Variants in LSG1 observed in about 807,000 individuals in gnomAD.
The protein encoded by LSG1 is large subunit GTPase 1 homolog.
A neutral mutation model predicts 82.6 loss-of-function variants in LSG1; 55 were observed. The ratio of observed to expected loss-of-function variants is 0.67; its 90% CI spans 0.54 to 0.83. The LOEUF (loss-of-function observed/expected upper bound fraction) is 0.83. LSG1 is among the 40% of genes least tolerant of loss of function. The pLI is 0.00. For synonymous variants in LSG1, 272 were observed against 282.5 expected, an observed-to-expected ratio of 0.96 and a Z score of 0.37; for missense variants, 809 against 807.9, an observed-to-expected ratio of 1.00 and a Z score of -0.02.
At chr3:194,666,103 A>T in intron 4 of LSG1, 100 bp downstream of exon 4, 1 of 1,048,962 alleles carries the variant, frequency 9.5e-7, no homozygotes, top group Non-Finnish European at 1.4e-6. Flanking sequence ...TTTCCTTCTT[A>T]AAAGAATCAA....
Position 194,644,577 on chromosome 3 carries a change from T to G in LSG1, c.1793A>C (p.His598Pro). 1 of 1,609,502 alleles carries G rather than the reference T, an allele frequency of 6.2e-7. No individual in the cohort carries two copies. Among genetic ancestry groups the G allele is most frequent in the Non-Finnish European group, 8.5e-7 (1 of 1,178,542 alleles). The change falls in exon 13 of 14, where the codon CAT (histidine) becomes CCT (proline). Residue 598 changes from histidine to proline, a missense_variant. Coordinates refer to ENST00000265245, the MANE Select transcript of LSG1 (RefSeq NM_018385.3). The part of the protein sequence containing the change: ...IENIVDKTFF[H>P]QENVRALTKG... ...AAGAAAAGCTTTAAAACTTACTTGA[T>G]GGAAAAAAGTTTTGTCAACGATATT...
chr3:194,666,450 A>C lies in LSG1; in HGVS notation c.347+2T>G. On this transcript the variant is annotated splice_donor_variant, in intron 3 of 13. Transcript: ENST00000265245. LOFTEE classifies it high-confidence loss of function. ...GGCATTCTAAATTCTTCTTCAGCTC[A>C]CCTCCTCGGTATACACAAGAACTGT... is the stretch of plus-strand genomic sequence containing the variant. 5 of 1,611,862 alleles carry C rather than the reference A, an allele frequency of 3.1e-6. No homozygotes were observed. Among genetic ancestry groups the C allele is most frequent in the Non-Finnish European group, 4.2e-6 (5 of 1,179,428 alleles).
chr3:194,642,322 GGA>G, intron 13 of LSG1, 75 bp from the exon 14 acceptor site: 1 of 1,278,924 alleles, frequency 7.8e-7, no homozygotes, highest in South Asian at 1.6e-5. Flanking sequence ...TACTATTAGT[GGA>G]TCACTTCAAG....
chr3:194,669,941 A>T, intron 2 of LSG1, 68 bp downstream of exon 2: 1 of 1,557,104 alleles, frequency 6.4e-7, no homozygotes, highest in South Asian at 1.2e-5. Flanking sequence ...AAAACAAAAA[A>T]CAAAAAAAAC....
intron 5 of LSG1, among the ~76,000 whole-genome samples, chr3:194,663,864 C>A (rs58467881): frequency 0.16 from 23,960 of 150,776 alleles, 3,299 homozygotes; most frequent in African/African-American, 0.34. Context: ...CGCATCCCAG[C>A]CCAAGAGCCC....
chr3:194,663,188 C>T (rs1003500540), intron 5 of LSG1, among the ~76,000 whole-genome samples: 5 of 152,158 alleles, frequency 3.3e-5, no homozygotes, highest in Non-Finnish European at 7.3e-5. Flanking sequence ...AATTAGAAAA[C>T]GGGCATTCTC....
At chr3:194,644,840 T>TTC (rs1438056900) in intron 12 of LSG1, 94 bp from the exon 13 acceptor site, 5 of 1,002,626 alleles carry the variant, frequency 5.0e-6, no homozygotes, top group African/African-American at 1.6e-5. Context: ...TGATGGAGCT[T>TTC]TCTGCCTTCT....
At position 194,652,908 on chromosome 3, in the gene LSG1, A is replaced by T; in HGVS notation, c.994T>A (p.Cys332Ser). 6.2e-7 allele frequency: 1 copy of T among 1,614,152 alleles called. No homozygotes were observed. Among genetic ancestry groups the T allele is most frequent in the Non-Finnish European group, 8.5e-7 (1 of 1,180,040 alleles). The change falls in exon 8 of 14, where the codon TGC (cysteine) becomes AGC (serine). Residue 332 changes from cysteine to serine, a missense_variant. Physicochemically the swap from Cys to Ser is moderately radical, Grantham distance 112. Transcript: ENST00000265245. ...SEEDGPKEED[C>S]SQDWKESSTA... ...GAGCTTTCCTTCCAGTCCTGGCTGC[A>T]GTCCTCTTCCTTGGGACCGTCTTCT... is the stretch of plus-strand genomic sequence containing the variant.
At chr3:194,666,407 C>G (rs1347015322) in intron 3 of LSG1, 45 bp downstream of exon 3, 13 of 1,607,618 alleles carry the variant, frequency 8.1e-6, no homozygotes, top group Non-Finnish European at 1.0e-5. Flanking sequence ...GAATACTCAG[C>G]AGCCTCGGAT....
chr3:194,649,047 T>C, intron 10 of LSG1: 1 of 373,676 alleles, frequency 2.7e-6, no homozygotes, highest in Non-Finnish European at 4.8e-6. Flanking sequence ...AAAATATATC[T>C]GAAACAGACT....
intron 7 of LSG1, among the ~76,000 whole-genome samples, chr3:194,655,569 G>A (rs1718773984): frequency 6.6e-6 from 1 of 152,166 alleles, no homozygotes; most frequent in Non-Finnish European, 1.5e-5. Context: ...GAATAGTGGT[G>A]TCTGGTAAAG....
At chr3:194,651,927 C>T (rs768193758) in intron 8 of LSG1, among the ~76,000 whole-genome samples, 55 of 152,094 alleles carry the variant, frequency 3.6e-4, no homozygotes, top group Admixed American at 2.4e-3. Context: ...AACTACTGCA[C>T]TAAAATAAGA....
At chr3:194,660,897 A>G (rs751437097) in intron 5 of LSG1, 17 of 454,070 alleles carry the variant, frequency 3.7e-5, no homozygotes, top group Non-Finnish European at 7.1e-5. Context: ...CTGCAAGGAG[A>G]AAAAAAAATT....
intron 11 of LSG1, 92 bp downstream of exon 11, chr3:194,648,589 G>T: frequency 7.5e-7 from 1 of 1,332,618 alleles, no homozygotes; most frequent in Non-Finnish European, 1.0e-6. Context: ...TATCTTTGCA[G>T]AACAGCAATT....
chr3:194,642,676 A>G (rs1718424269), intron 13 of LSG1, among the ~76,000 whole-genome samples: 1 of 152,200 alleles, frequency 6.6e-6, no homozygotes, highest in African/African-American at 2.4e-5. Flanking sequence ...GTTTAGACAT[A>G]TGAATTATAT....
At chr3:194,655,416 TCAC>T (rs1403080890) in intron 7 of LSG1, among the ~76,000 whole-genome samples, 7 of 152,144 alleles carry the variant, frequency 4.6e-5, no homozygotes, top group Admixed American at 4.6e-4. Context: ...TTTTAAAACT[TCAC>T]CAAGACATTG....
At chr3:194,648,457 A>G (rs1718600309) in intron 11 of LSG1, among the ~76,000 whole-genome samples, 1 of 152,176 alleles carries the variant, frequency 6.6e-6, no homozygotes, top group Non-Finnish European at 1.5e-5. Flanking sequence ...CCTGTGCTGC[A>G]CGTGGGTACC....
rs1021286552 is a variant in LSG1, at chr3:194,659,265, A to G, written c.583-132T>C. ...TCATTTCCTAATTTAAACATTTTTA[A>G]TCATGACACATTATACTAATCCTTT... is the stretch of plus-strand genomic sequence containing the variant. On this transcript the variant is annotated intron_variant, in intron 6 of 13. Coordinates refer to ENST00000265245, the MANE Select transcript of LSG1 (RefSeq NM_018385.3). The G allele has an allele frequency of 8.9e-6, 6 of 675,462 alleles. No individual in the cohort carries two copies. In the African/African-American group the frequency reaches 1.1e-4, roughly 12 times the overall value. 41.8% of individuals were successfully genotyped at this position (675,462 alleles called of 1,614,324 possible). A position where few individuals can be genotyped will look rare whatever the true frequency, so the allele number is the denominator to read the frequency against.
chr3:194,670,681 AAAAAC>A (rs373426286), intron 1 of LSG1, among the ~76,000 whole-genome samples: 6 of 152,324 alleles, frequency 3.9e-5, no homozygotes, highest in African/African-American at 1.2e-4. Flanking sequence ...GGGAAAAAAT[AAAAAC>A]AAAACAAAAC....
Sources: gnomAD v4.1 joint callset for allele counts (sites outside exome capture counted in the v4.1 genomes callset) on GRCh38, gnomAD v4.1.1 for gene constraint, MANE v1.5 for transcripts, NCBI Gene and HGNC (gene_info 2026-07-23, HGNC 2026-07-21) for gene names.